FSTL5: variants seen among roughly 807,000 people sequenced by gnomAD.
The protein encoded by FSTL5 is follistatin-related protein 5.
FSTL5 carries 62 observed loss-of-function variants against 89.1 expected under a neutral mutation model. The observed-to-expected ratio is 0.70, with a 90% CI of 0.57 to 0.86. The LOEUF is 0.86. FSTL5 is among the 40% of genes least tolerant of loss of function. The probability of loss-of-function intolerance (pLI) is 0.00; values close to 1 mark genes in which losing one functional copy is unlikely to be tolerated. For synonymous variants in FSTL5, 383 were observed against 346.2 expected, an observed-to-expected ratio of 1.11 and a Z score of -1.18; for missense variants, 1,057 against 1,001.6, an observed-to-expected ratio of 1.06 and a Z score of -0.75.
At chr4:162,117,077 A>G (rs908931236) in intron 1 of FSTL5, among the ~76,000 whole-genome samples, 10 of 152,214 alleles carry the variant, frequency 6.6e-5, no homozygotes, top group Non-Finnish European at 1.3e-4. Flanking sequence ...CTTACATTCC[A>G]CAGACTTCTG....
chr4:162,083,145 A>C (rs372988163), intron 2 of FSTL5, among the ~76,000 whole-genome samples: 2 of 151,956 alleles, frequency 1.3e-5, no homozygotes, highest in East Asian at 3.9e-4. Flanking sequence ...ATACTATTTT[A>C]TCCATTGTTG....
At chr4:161,884,591 A>G (rs1204493627) in intron 4 of FSTL5, among the ~76,000 whole-genome samples, 2 of 152,216 alleles carry the variant, frequency 1.3e-5, no homozygotes, top group Non-Finnish European at 2.9e-5. Flanking sequence ...TTTCAGGTAG[A>G]AATTGAAACT....
rs141998807 is a variant in FSTL5 at position 162,112,612 on chromosome 4, T to C, written c.-16-1200A>G. The stretch of plus-strand genomic sequence containing the variant: ...CATCTTTAGACAGGCAGAAATGGCC[T>C]GTGTTTGAAGGTAACTTCTCTCCTC... On this transcript the variant is annotated intron_variant, in intron 1 of 15. Transcript: ENST00000306100. Among the ~76,000 whole-genome samples, 9 of 152,290 alleles carry C rather than the reference T, an allele frequency of 5.9e-5. No homozygotes were observed. In the East Asian group the frequency reaches 1.7e-3, roughly 29 times the overall value.
At chr4:161,949,489 C>G (rs899268141) in intron 3 of FSTL5, among the ~76,000 whole-genome samples, 1 of 151,866 alleles carries the variant, frequency 6.6e-6, no homozygotes, top group African/African-American at 2.4e-5. Context: ...TTCTGAACTT[C>G]TTGATTCAAT....
At chr4:161,713,753 T>G (rs1412810751) in intron 6 of FSTL5, among the ~76,000 whole-genome samples, 1 of 152,170 alleles carries the variant, frequency 6.6e-6, no homozygotes, top group Admixed American at 6.5e-5. Context: ...TTTCTTAACA[T>G]TACAAAATAG....
intron 3 of FSTL5, among the ~76,000 whole-genome samples, chr4:161,951,496 T>A (rs1734893371): frequency 6.6e-6 from 1 of 152,130 alleles, no homozygotes; most frequent in South Asian, 2.1e-4. Context: ...AATGATATAG[T>A]CACTTCTCTG....
chr4:161,910,832 T>G (rs994055296), intron 4 of FSTL5, among the ~76,000 whole-genome samples: 5 of 152,178 alleles, frequency 3.3e-5, no homozygotes, highest in African/African-American at 1.2e-4. Context: ...TTAACTGGAC[T>G]ACAAGTAAAA....
At chr4:161,933,008 C>T (rs182903577) in intron 3 of FSTL5, among the ~76,000 whole-genome samples, 1 of 152,044 alleles carries the variant, frequency 6.6e-6, no homozygotes, top group Non-Finnish European at 1.5e-5. Context: ...TTTTCATAAA[C>T]ATTTTAGTTT....
At chr4:161,694,634 CA>C (rs1219203693) in intron 6 of FSTL5, among the ~76,000 whole-genome samples, 1 of 151,960 alleles carries the variant, frequency 6.6e-6, no homozygotes, top group Non-Finnish European at 1.5e-5. Flanking sequence ...TAGGCTTTCT[CA>C]AAAATGATTT....
At chr4:162,082,462 C>T (rs1478820965) in intron 2 of FSTL5, among the ~76,000 whole-genome samples, 1 of 150,332 alleles carries the variant, frequency 6.7e-6, no homozygotes, top group East Asian at 2.0e-4. Flanking sequence ...TTATTGTCTG[C>T]TTTTACTTTA....
chr4:161,822,335 A>G (rs1730518835), intron 4 of FSTL5, among the ~76,000 whole-genome samples: 1 of 152,108 alleles, frequency 6.6e-6, no homozygotes, highest in Non-Finnish European at 1.5e-5. Flanking sequence ...CTTGGCTCAC[A>G]CTACCAGCTC....
rs368648581 is a variant in FSTL5, at chr4:161,489,542, G to T, written c.1459-8373C>A. ...ATGAAACTAATTTAAACCTAGTATGGATAAGTTGGAATCAAAGAATTAGAT... is the reference window on the plus strand; with the variant it reads ...ATGAAACTAATTTAAACCTAGTATGTATAAGTTGGAATCAAAGAATTAGAT... On this transcript the variant is annotated intron_variant, in intron 12 of 15. Transcript: ENST00000306100. 1.6e-4 allele frequency among the ~76,000 whole-genome samples: 25 copies of T among 152,144 alleles called. 1 individual carries two copies. In the East Asian group the frequency reaches 4.8e-3, roughly 29 times the overall value.
chr4:161,527,689 T>C (rs1731272809), intron 10 of FSTL5, among the ~76,000 whole-genome samples: 2 of 151,808 alleles, frequency 1.3e-5, no homozygotes, highest in South Asian at 2.1e-4. Flanking sequence ...ACTTTTACAC[T>C]GTTGGTGGGA....
At chr4:161,753,699 G>A (rs11946427) in intron 6 of FSTL5, among the ~76,000 whole-genome samples, 150,186 of 152,300 alleles carry the variant, frequency 0.99, 74,079 homozygotes, top group East Asian at 1. Context: ...TTTCCCTGGA[G>A]AATGAGTTCT....
At chr4:161,843,295 T>C (rs1731267635) in intron 4 of FSTL5, among the ~76,000 whole-genome samples, 1 of 152,196 alleles carries the variant, frequency 6.6e-6, no homozygotes, top group African/African-American at 2.4e-5. Context: ...TTCTAATTAT[T>C]TGAAGAAAGT....
chr4:161,549,557 C>T (rs1732129644), intron 8 of FSTL5, among the ~76,000 whole-genome samples: 1 of 151,796 alleles, frequency 6.6e-6, no homozygotes, highest in Admixed American at 6.6e-5. Flanking sequence ...TACAATTTAG[C>T]ATTTGCTATT....
At position 162,068,556 on chromosome 4, in the gene FSTL5, T is replaced by C. The variant is rs545454274; in HGVS notation, c.127-34898A>G. Among the ~76,000 whole-genome samples the C allele has an allele frequency of 2.4e-4, 36 of 152,212 alleles. 1 individual carries two copies. The South Asian group carries it at 7.2e-3, about 31-fold the overall frequency. On this transcript the variant is annotated intron_variant, in intron 2 of 15. Transcript: ENST00000306100. Reference sequence around the variant, plus strand: ...ATTATATACAAAAATTAACTCAAGATGGATTAAAGACTTAAACGTAAAATC... The same window carrying C: ...ATTATATACAAAAATTAACTCAAGACGGATTAAAGACTTAAACGTAAAATC...
chr4:161,886,993 C>T (rs1041792774), intron 4 of FSTL5, among the ~76,000 whole-genome samples: 1 of 152,086 alleles, frequency 6.6e-6, no homozygotes, highest in East Asian at 1.9e-4. Flanking sequence ...TTTAAAATAG[C>T]TACATTTATG....
intron 4 of FSTL5, among the ~76,000 whole-genome samples, chr4:161,806,476 A>C (rs550124814): frequency 1.3e-5 from 2 of 152,256 alleles, no homozygotes; most frequent in South Asian, 2.1e-4. Context: ...GTAAAAGAAA[A>C]GTATCCAACA....
Sources: gnomAD v4.1 joint callset for allele counts (sites outside exome capture counted in the v4.1 genomes callset) on GRCh38, gnomAD v4.1.1 for gene constraint, MANE v1.5 for transcripts, NCBI Gene and HGNC (gene_info 2026-07-23, HGNC 2026-07-21) for gene names.